CADM1: variants seen among roughly 807,000 people sequenced by gnomAD.
CADM1 encodes cell adhesion molecule 1.
Under a neutral mutation model 53.1 loss-of-function variants are expected in CADM1, and 15 were observed. That is an observed-to-expected ratio of 0.28 (90% CI 0.19 to 0.44). CADM1 has a LOEUF of 0.44. Ranked by LOEUF, CADM1 falls within the 20% of genes least tolerant of loss-of-function variation. The probability of loss-of-function intolerance (pLI) is 1.00; values close to 1 mark genes in which losing one functional copy is unlikely to be tolerated. For missense variants in CADM1, 434 were observed against 611.3 expected (o/e 0.71, Z 3.06); for synonymous variants, 281 against 243.0 (o/e 1.16, Z -1.45).
At chr11:115,195,346 C>A (rs1028536854) in intron 9 of CADM1, among the ~76,000 whole-genome samples, 1 of 152,170 alleles carries the variant, frequency 6.6e-6, no homozygotes, top group African/African-American at 2.4e-5. Flanking sequence ...CATACATACT[C>A]TAGCAAAACA....
intron 1 of CADM1, among the ~76,000 whole-genome samples, chr11:115,286,397 A>C (rs1042281223): frequency 2.0e-4 from 30 of 152,182 alleles, no homozygotes; most frequent in African/African-American, 7.0e-4. Flanking sequence ...TTAGGCCAGG[A>C]AACACCTATT....
chr11:115,314,167 G>GT (rs397774934), intron 1 of CADM1, among the ~76,000 whole-genome samples: 1 of 52 alleles, frequency 0.019, no homozygotes, highest in Non-Finnish European at 0.038. Flanking sequence ...CACTATGCTC[G>GT]TATTAGCAGA....
chr11:115,328,115 A>C (rs1223719610), intron 1 of CADM1, among the ~76,000 whole-genome samples: 1 of 152,142 alleles, frequency 6.6e-6, no homozygotes, highest in African/African-American at 2.4e-5. Flanking sequence ...CTAGCTGCTT[A>C]ATCACTTCTG....
chr11:115,288,329 T>C (rs1033123343), intron 1 of CADM1, among the ~76,000 whole-genome samples: 2 of 152,160 alleles, frequency 1.3e-5, no homozygotes, highest in South Asian at 4.2e-4. Context: ...GGAGAAAAAA[T>C]TACATTTTAC....
chr11:115,384,371 A>C lies in CADM1; in HGVS notation c.124+119900T>G, dbSNP rs1367533050. Among the ~76,000 whole-genome samples, 4 of 152,280 alleles carry C rather than the reference A, an allele frequency of 2.6e-5. No homozygotes were observed. In the East Asian group the frequency reaches 7.7e-4, roughly 29 times the overall value. ...CAGTGAGAGGGCAAAAACCACACTC[A>C]AACCCACATTGACAGTTAAGGGCAA... On this transcript the variant is annotated intron_variant, in intron 1 of 11. Transcript: ENST00000331581.
At chr11:115,418,591 C>T (rs1291004958) in intron 1 of CADM1, among the ~76,000 whole-genome samples, 1 of 152,136 alleles carries the variant, frequency 6.6e-6, no homozygotes, top group Non-Finnish European at 1.5e-5. Context: ...CAGTGTAACA[C>T]TTTAAACTGT....
chr11:115,288,423 C>T (rs565363162), intron 1 of CADM1, among the ~76,000 whole-genome samples: 3 of 151,566 alleles, frequency 2.0e-5, no homozygotes, highest in African/African-American at 4.9e-5. Context: ...CAATCACCTT[C>T]GGGATTTAAA....
chr11:115,387,476 AATAAT>A (rs1946727623), intron 1 of CADM1, among the ~76,000 whole-genome samples: 1 of 152,214 alleles, frequency 6.6e-6, no homozygotes, highest in Non-Finnish European at 1.5e-5. Context: ...TGAGAAAAAG[AATAAT>A]ATAAGTTACG....
chr11:115,372,366 A>T (rs906584024), intron 1 of CADM1, among the ~76,000 whole-genome samples: 1 of 152,136 alleles, frequency 6.6e-6, no homozygotes, highest in Admixed American at 6.5e-5. Flanking sequence ...GCAACTTTGA[A>T]TTCTTTCTTT....
At chr11:115,259,459 C>T (rs1157911086) in intron 1 of CADM1, among the ~76,000 whole-genome samples, 25 of 151,728 alleles carry the variant, frequency 1.6e-4, no homozygotes, top group Non-Finnish European at 1.5e-5. Flanking sequence ...GCACACGCCA[C>T]CACCCCCAGC....
At chr11:115,439,645 G>A (rs1190596101) in intron 1 of CADM1, among the ~76,000 whole-genome samples, 1 of 152,206 alleles carries the variant, frequency 6.6e-6, no homozygotes, top group Admixed American at 6.5e-5. Flanking sequence ...ATTATGCAAA[G>A]TCATGAATGT....
intron 1 of CADM1, among the ~76,000 whole-genome samples, chr11:115,365,725 G>A (rs1232049917): frequency 2.0e-5 from 3 of 151,694 alleles, no homozygotes; most frequent in South Asian, 4.2e-4. Flanking sequence ...AAGATGTTCT[G>A]AGCGCGGCAA....
intron 1 of CADM1, among the ~76,000 whole-genome samples, chr11:115,250,673 T>A (rs984190577): frequency 1.3e-5 from 2 of 152,372 alleles, no homozygotes; most frequent in Admixed American, 6.5e-5. Flanking sequence ...TAACAATAGC[T>A]AATGTATTTT....
At position 115,246,777 on chromosome 11, in the gene CADM1, T is replaced by C. The variant is rs554625191; in HGVS notation, c.125-6357A>G. 7.2e-5 allele frequency among the ~76,000 whole-genome samples: 11 copies of C among 152,374 alleles called. 1 individual carries two copies. Among genetic ancestry groups the C allele is most frequent in the African/African-American group, 2.4e-4 (10 of 41,596 alleles). On this transcript the variant is annotated intron_variant, in intron 1 of 11. Coordinates refer to ENST00000331581, the MANE Select transcript of CADM1 (RefSeq NM_001301043.2). ...GTAGCATTTATAACACTGTATCCTATGGCATGGAGATGGTCAGGATCTCAA... is the reference window on the plus strand; with the variant it reads ...GTAGCATTTATAACACTGTATCCTACGGCATGGAGATGGTCAGGATCTCAA...
At chr11:115,491,479 G>A (rs1010301345) in intron 1 of CADM1, among the ~76,000 whole-genome samples, 1 of 151,932 alleles carries the variant, frequency 6.6e-6, no homozygotes. Flanking sequence ...GCAGGAGAAT[G>A]GCATGAACCT....
At chr11:115,471,723 G>A (rs1693353343) in intron 1 of CADM1, among the ~76,000 whole-genome samples, 1 of 152,214 alleles carries the variant, frequency 6.6e-6, no homozygotes, top group African/African-American at 2.4e-5. Flanking sequence ...GAGATCGGAG[G>A]AGAGATGGAG....
chr11:115,286,045 G>T (rs1943720705), intron 1 of CADM1, among the ~76,000 whole-genome samples: 1 of 152,106 alleles, frequency 6.6e-6, no homozygotes, highest in African/African-American at 2.4e-5. Flanking sequence ...CCTGTCAATC[G>T]TAAAAGCATA....
At chr11:115,465,551 T>G (rs1345153982) in intron 1 of CADM1, among the ~76,000 whole-genome samples, 1 of 152,154 alleles carries the variant, frequency 6.6e-6, no homozygotes, top group African/African-American at 2.4e-5. Context: ...CCTTCTACCA[T>G]GAAAAGCATA....
intron 1 of CADM1, among the ~76,000 whole-genome samples, chr11:115,452,531 G>A (rs537311065): frequency 1.7e-4 from 26 of 152,276 alleles, no homozygotes; most frequent in South Asian, 1.0e-3. Flanking sequence ...GTTATGAAAT[G>A]TCATTCGGAC....
Sources: gnomAD v4.1 joint callset for allele counts (sites outside exome capture counted in the v4.1 genomes callset) on GRCh38, gnomAD v4.1.1 for gene constraint, MANE v1.5 for transcripts, NCBI Gene and HGNC (gene_info 2026-07-23, HGNC 2026-07-21) for gene names.